Variants in ADAMTS9 observed in about 807,000 individuals in gnomAD.
The protein encoded by ADAMTS9 is ADAM metallopeptidase with thrombospondin type 1 motif 9.
Under a neutral mutation model 257.1 loss-of-function variants are expected in ADAMTS9, and 107 were observed. The observed-to-expected ratio is 0.42, with a 90% CI of 0.36 to 0.49. The LOEUF is 0.49. ADAMTS9 is among the 20% of genes least tolerant of loss of function. The probability of loss-of-function intolerance (pLI) is 0.03; values close to 1 mark genes in which losing one functional copy is unlikely to be tolerated. For missense variants in ADAMTS9, 2,353 were observed against 2,469.1 expected (o/e 0.95, Z 1.00); for synonymous variants, 982 against 880.9 (o/e 1.11, Z -2.03).
At chr3:64,642,567 C>T (rs957978832) in intron 11 of ADAMTS9, among the ~76,000 whole-genome samples, 43 of 152,242 alleles carry the variant, frequency 2.8e-4, no homozygotes, top group African/African-American at 9.9e-4. Flanking sequence ...TTGTTACTAG[C>T]GGTTTCAGAT....
intron 35 of ADAMTS9, 30 bp from the exon 36 acceptor site, chr3:64,541,258 G>C (rs768919321): frequency 1.9e-6 from 3 of 1,614,014 alleles, no homozygotes; most frequent in South Asian, 2.2e-5. Context: ...TTCTGGTAAG[G>C]ATGGGAAAGC....
intron 14 of ADAMTS9, among the ~76,000 whole-genome samples, 162 bp from the exon 15 acceptor site, chr3:64,632,087 T>G (rs1411490863): frequency 6.6e-6 from 1 of 152,202 alleles, no homozygotes; most frequent in African/African-American, 2.4e-5. Flanking sequence ...GCCTTGCTAT[T>G]TAAAATGTGG....
At chr3:64,630,672 G>C (rs1700346724) in intron 16 of ADAMTS9, among the ~76,000 whole-genome samples, 1 of 152,116 alleles carries the variant, frequency 6.6e-6, no homozygotes, top group South Asian at 2.1e-4. Context: ...AATGCATGCT[G>C]GGCTTAATAC....
chr3:64,642,112 C>G, intron 11 of ADAMTS9, 119 bp from the exon 12 acceptor site: 1 of 1,123,840 alleles, frequency 8.9e-7, no homozygotes, highest in Non-Finnish European at 1.3e-6. Flanking sequence ...TGAAATGCTG[C>G]AGGTTCATCA....
chr3:64,530,871 T>C (rs1192946439), intron 38 of ADAMTS9, among the ~76,000 whole-genome samples: 2 of 152,164 alleles, frequency 1.3e-5, no homozygotes, highest in Non-Finnish European at 2.9e-5. Flanking sequence ...CACTGAAACA[T>C]ACAGTGTATT....
Position 64,550,960 on chromosome 3 carries a change from G to A in ADAMTS9, c.4801C>T (p.Pro1601Ser). 5 of 1,614,182 alleles carry A rather than the reference G, an allele frequency of 3.1e-6. No homozygotes were observed. The highest frequency in any genetic ancestry group is 4.2e-6 in the Non-Finnish European group (5 of 1,180,030). ...AAACTACAGCTTTCACGGTCCACCG[G>A]CCGCTTGCTCACGTCACAGCGTGCC... is the stretch of plus-strand genomic sequence containing the variant. Reference protein sequence around the residue: ...HGARCDVSKRPVDRESCSLQP... With the variant: ...HGARCDVSKRSVDRESCSLQP... The change falls in exon 31 of 40, where the codon CCG becomes TCG. Residue 1601 changes from proline to serine, a missense_variant. Physicochemically the swap from Pro to Ser is moderately conservative, Grantham distance 74. This residue lies in a region of ADAMTS9 where 1,402 missense variants were observed against 1,441.4 expected (regional missense o/e 0.97). Transcript: ENST00000498707.
intron 12 of ADAMTS9, among the ~76,000 whole-genome samples, chr3:64,634,987 G>A (rs908802817): frequency 6.6e-6 from 1 of 152,096 alleles, no homozygotes; most frequent in African/African-American, 2.4e-5. Context: ...CCTAGACTAA[G>A]TTCTCAGTCT....
rs200782743 is a variant in ADAMTS9 at position 64,616,186 on chromosome 3, G to A, written c.2814-16C>T. On this transcript the variant is annotated splice_polypyrimidine_tract_variant and intron_variant, in intron 19 of 39. Transcript: ENST00000498707. Reference sequence around the variant, plus strand: ...AACATGCCACCTATGCAAAAATAATGGGGCAAAACCAACATTTCTGTTAAA... The same window carrying A: ...AACATGCCACCTATGCAAAAATAATAGGGCAAAACCAACATTTCTGTTAAA... 2 of 1,613,346 alleles carry A rather than the reference G, an allele frequency of 1.2e-6. No individual in the cohort carries two copies. The highest frequency in any genetic ancestry group is 4.5e-5 in the East Asian group (2 of 44,864).
chr3:64,628,585 C>A (rs541552013), intron 16 of ADAMTS9, among the ~76,000 whole-genome samples: 148 of 152,270 alleles, frequency 9.7e-4, no homozygotes, highest in African/African-American at 3.4e-3. Context: ...GATTCCCCCC[C>A]CAAAATAATT....
chr3:64,545,180 C>T (rs1029132365), intron 32 of ADAMTS9, among the ~76,000 whole-genome samples: 1 of 152,160 alleles, frequency 6.6e-6, no homozygotes, highest in Non-Finnish European at 1.5e-5. Flanking sequence ...CTAGTTCAAC[C>T]ATTGTGGAAG....
chr3:64,604,705 G>A (rs569282437), intron 23 of ADAMTS9, among the ~76,000 whole-genome samples: 2 of 152,316 alleles, frequency 1.3e-5, no homozygotes, highest in South Asian at 2.1e-4. Context: ...GCCAAATGAT[G>A]TTCTCACATT....
chr3:64,558,366 G>C (rs1308869986), intron 30 of ADAMTS9, among the ~76,000 whole-genome samples: 1 of 152,162 alleles, frequency 6.6e-6, no homozygotes, highest in Non-Finnish European at 1.5e-5. Context: ...GTTATGGAAA[G>C]GGCTAAATGA....
chr3:64,588,148 T>A (rs2084193965), intron 28 of ADAMTS9: 1 of 152,214 alleles, frequency 6.6e-6, no homozygotes, highest in Admixed American at 6.5e-5. Context: ...ATAAAATTGC[T>A]AATTTATACT....
intron 2 of ADAMTS9, among the ~76,000 whole-genome samples, chr3:64,685,996 G>C (rs767457335): frequency 4.6e-5 from 7 of 152,310 alleles, no homozygotes; most frequent in East Asian, 1.9e-4. Flanking sequence ...TTCCTGGGAC[G>C]GGACCTGCTC....
intron 29 of ADAMTS9, among the ~76,000 whole-genome samples, chr3:64,563,604 C>G (rs145202010): frequency 6.6e-6 from 1 of 152,144 alleles, no homozygotes; most frequent in Non-Finnish European, 1.5e-5. Flanking sequence ...AACGAAGGCA[C>G]GGTACTAAGA....
Position 64,556,101 on chromosome 3 carries a change from T to G in ADAMTS9, c.4699-5039A>C, listed in dbSNP as rs577012497. On this transcript the variant is annotated intron_variant, in intron 30 of 39. Coordinates refer to ENST00000498707, the MANE Select transcript of ADAMTS9 (RefSeq NM_182920.2). The stretch of plus-strand genomic sequence containing the variant: ...TTCTAACTTTTCTGTGTTAAGGAGA[T>G]GCACTTGGAAATCATTCTACAGCTG... Among the ~76,000 whole-genome samples the G allele has an allele frequency of 1.1e-4, 17 of 152,284 alleles. No homozygotes were observed. In the East Asian group the frequency reaches 1.7e-3, roughly 16 times the overall value.
intron 12 of ADAMTS9, among the ~76,000 whole-genome samples, chr3:64,636,296 A>C (rs1020981169): frequency 6.6e-6 from 1 of 152,210 alleles, no homozygotes; most frequent in African/African-American, 2.4e-5. Flanking sequence ...AAACACACAA[A>C]AAATACTGTA....
intron 23 of ADAMTS9, among the ~76,000 whole-genome samples, chr3:64,605,333 A>T (rs1020163810): frequency 6.6e-6 from 1 of 152,266 alleles, no homozygotes; most frequent in African/African-American, 2.4e-5. Context: ...TTTAGATGCC[A>T]TAGCTAACAT....
intron 3 of ADAMTS9, among the ~76,000 whole-genome samples, chr3:64,675,911 C>A (rs1283554982): frequency 6.6e-6 from 1 of 152,172 alleles, no homozygotes; most frequent in Non-Finnish European, 1.5e-5. Context: ...AAGAGCCTAA[C>A]AGATGATGGC....
Sources: gnomAD v4.1 joint callset for allele counts (sites outside exome capture counted in the v4.1 genomes callset) on GRCh38, gnomAD v4.1.1 for gene constraint, gnomAD v4.1.1 regional missense constraint, MANE v1.5 for transcripts, NCBI Gene and HGNC (gene_info 2026-07-23, HGNC 2026-07-21) for gene names.